Variants in B3GALT1 observed in about 807,000 individuals in gnomAD.
The protein encoded by B3GALT1 is UDP-Gal:betaGlcNAc beta 1,3-galactosyltransferase, polypeptide 1.
Under a neutral mutation model 23.2 loss-of-function variants are expected in B3GALT1, and 10 were observed. That is an observed-to-expected ratio of 0.43 (90% confidence interval 0.27 to 0.73). The LOEUF (loss-of-function observed/expected upper bound fraction) is 0.73. B3GALT1 is among the 30% of genes least tolerant of loss of function. B3GALT1 has a pLI of 0.21. For synonymous variants in B3GALT1, 156 were observed against 141.5 expected, an observed-to-expected ratio of 1.10 and a Z score of -0.73; for missense variants, 299 against 405.4, an observed-to-expected ratio of 0.74 and a Z score of 2.25.
chr2:167,747,951 A>G (rs1197231591), intron 3 of B3GALT1, among the ~76,000 whole-genome samples: 1 of 152,210 alleles, frequency 6.6e-6, no homozygotes, highest in African/African-American at 2.4e-5. Context: ...TTTTAATTAG[A>G]TATGTCTGCA....
At position 167,650,894 on chromosome 2, in the gene B3GALT1, G is replaced by GC. The variant is rs1170545227; in HGVS notation, c.-352+3930dup. Among the ~76,000 whole-genome samples, 5 of 152,058 alleles carry GC rather than the reference G, an allele frequency of 3.3e-5. No homozygotes were observed. In the East Asian group the frequency reaches 7.7e-4, roughly 23 times the overall value. Reference sequence around the variant, plus strand: ...AATGGAAATATGCTAACAGAAGTAAGCCAATTTCTTCACCGAAACAAACCA... The same window carrying GC: ...AATGGAAATATGCTAACAGAAGTAAGCCCAATTTCTTCACCGAAACAAACCA... On this transcript the variant is annotated intron_variant, in intron 3 of 4. Transcript: ENST00000392690.
intron 3 of B3GALT1, among the ~76,000 whole-genome samples, chr2:167,691,184 T>C (rs13013129): frequency 0.17 from 25,509 of 152,080 alleles, 2,686 homozygotes; most frequent in Non-Finnish European, 0.24. Context: ...TAGATCACTT[T>C]CCTGTTTCAT....
chr2:167,819,250 A>G (rs1689058816), intron 4 of B3GALT1, among the ~76,000 whole-genome samples: 1 of 152,234 alleles, frequency 6.6e-6, no homozygotes, highest in African/African-American at 2.4e-5. Flanking sequence ...CAAGGCCATC[A>G]CTAATTGATT....
intron 1 of B3GALT1, among the ~76,000 whole-genome samples, chr2:167,358,610 G>A (rs1409625567): frequency 7.2e-6 from 1 of 139,472 alleles, no homozygotes; most frequent in South Asian, 2.5e-4. Flanking sequence ...GTCAAATCTT[G>A]TACTCATCAA....
At chr2:167,299,642 T>C (rs1243945071) in intron 1 of B3GALT1, among the ~76,000 whole-genome samples, 1 of 152,168 alleles carries the variant, frequency 6.6e-6, no homozygotes, top group African/African-American at 2.4e-5. Context: ...ATTGCATTGA[T>C]AAAATTATTT....
At chr2:167,637,751 A>AGTGG (rs1261966292) in intron 2 of B3GALT1, among the ~76,000 whole-genome samples, 15 of 151,956 alleles carry the variant, frequency 9.9e-5, no homozygotes, top group Non-Finnish European at 1.3e-4. Flanking sequence ...GAAAACATGC[A>AGTGG]GTATTTGTCT....
chr2:167,321,105 C>T (rs139508871), intron 1 of B3GALT1, among the ~76,000 whole-genome samples: 1 of 152,040 alleles, frequency 6.6e-6, no homozygotes, highest in African/African-American at 2.4e-5. Flanking sequence ...GCCTTCATGG[C>T]ATTCTCTTTT....
intron 1 of B3GALT1, among the ~76,000 whole-genome samples, chr2:167,420,285 A>G (rs979514796): frequency 2.0e-5 from 3 of 152,240 alleles, no homozygotes; most frequent in Non-Finnish European, 4.4e-5. Context: ...ACTGAAGCTC[A>G]ATCTCAGTGA....
intron 3 of B3GALT1, chr2:167,714,784 C>T (rs546428046): frequency 8.1e-6 from 13 of 1,613,734 alleles, no homozygotes; most frequent in African/African-American, 6.7e-5. Context: ...AGGTCTCCAG[C>T]TCTTCAGTGA....
At chr2:167,755,791 G>C (rs1240327706) in intron 3 of B3GALT1, among the ~76,000 whole-genome samples, 3 of 151,616 alleles carry the variant, frequency 2.0e-5, no homozygotes, top group Admixed American at 1.3e-4. Context: ...AACACAATGA[G>C]ACCTCATCTC....
chr2:167,755,260 G>A (rs767448827), intron 3 of B3GALT1, among the ~76,000 whole-genome samples: 4 of 151,990 alleles, frequency 2.6e-5, no homozygotes, highest in African/African-American at 4.8e-5. Flanking sequence ...CTAGAAGTAC[G>A]ATGCCCTGAT....
At chr2:167,532,672 T>C (rs938181254) in intron 2 of B3GALT1, among the ~76,000 whole-genome samples, 13 of 152,152 alleles carry the variant, frequency 8.5e-5, no homozygotes, top group Admixed American at 2.6e-4. Flanking sequence ...AACCTATGCA[T>C]GTTGAGTGCT....
intron 2 of B3GALT1, among the ~76,000 whole-genome samples, chr2:167,543,543 T>C (rs1379142019): frequency 6.6e-6 from 1 of 152,230 alleles, no homozygotes; most frequent in East Asian, 1.9e-4. Flanking sequence ...TCATTCAAGT[T>C]AAATTATTGT....
chr2:167,644,779 TAAAAAAAAAAAAAA>T (rs199652424), intron 2 of B3GALT1, among the ~76,000 whole-genome samples: 1 of 91,156 alleles, frequency 1.1e-5, no homozygotes, highest in Non-Finnish European at 2.1e-5. Context: ...GACTCTGTCT[TAAAAAAAAAAAAAA>T]AAAAAAAAAA....
chr2:167,341,422 G>C (rs916406283), intron 1 of B3GALT1, among the ~76,000 whole-genome samples: 1 of 152,204 alleles, frequency 6.6e-6, no homozygotes, highest in Non-Finnish European at 1.5e-5. Flanking sequence ...AGCACTTTGG[G>C]AGGCCAAGGT....
intron 2 of B3GALT1, among the ~76,000 whole-genome samples, chr2:167,498,109 C>T (rs984669539): frequency 6.6e-6 from 1 of 151,950 alleles, no homozygotes; most frequent in African/African-American, 2.4e-5. Flanking sequence ...CCAGTACTGA[C>T]ATGTTGAAGA....
intron 1 of B3GALT1, among the ~76,000 whole-genome samples, chr2:167,363,822 A>G (rs371565623): frequency 2.6e-4 from 39 of 152,102 alleles, no homozygotes; most frequent in African/African-American, 8.9e-4. Flanking sequence ...ACAGTTTTGC[A>G]ATGAGAGAAT....
At chr2:167,591,463 A>AATTT (rs982865872) in intron 2 of B3GALT1, among the ~76,000 whole-genome samples, 1 of 151,796 alleles carries the variant, frequency 6.6e-6, no homozygotes, top group South Asian at 2.1e-4. Flanking sequence ...TACTTTAATT[A>AATTT]ATTTATTTAT....
At chr2:167,621,530 A>G (rs1424651350) in intron 2 of B3GALT1, among the ~76,000 whole-genome samples, 1 of 152,114 alleles carries the variant, frequency 6.6e-6, no homozygotes, top group Non-Finnish European at 1.5e-5. Flanking sequence ...GCTTTCCATT[A>G]TAAAGATTAA....
Sources: gnomAD v4.1 joint callset for allele counts (sites outside exome capture counted in the v4.1 genomes callset) on GRCh38, gnomAD v4.1.1 for gene constraint, MANE v1.5 for transcripts, NCBI Gene and HGNC (gene_info 2026-07-23, HGNC 2026-07-21) for gene names.